FNDC3A: variants seen among roughly 807,000 people sequenced by gnomAD.
The protein encoded by FNDC3A is fibronectin type-III domain-containing protein 3A.
FNDC3A carries 32 observed loss-of-function variants against 148.9 expected under a neutral mutation model. The observed-to-expected ratio is 0.21, with a 90% CI of 0.16 to 0.29. FNDC3A has a LOEUF of 0.29. Among genes scored for constraint, FNDC3A ranks in the 10% least tolerant of loss-of-function variants. The pLI is 1.00. For missense variants in FNDC3A, 1,191 were observed against 1,452.8 expected (o/e 0.82, Z 2.93); for synonymous variants, 472 against 473.6 (o/e 1.00, Z 0.04).
At chr13:49,171,169 T>C (rs1884735032) in intron 10 of FNDC3A, among the ~76,000 whole-genome samples, 2 of 152,154 alleles carry the variant, frequency 1.3e-5, no homozygotes, top group African/African-American at 2.4e-5. Context: ...TAAAAAAAAT[T>C]AATGTAAGAT....
At position 49,045,308 on chromosome 13, in the gene FNDC3A, C is replaced by T. The variant is rs141599106; in HGVS notation, c.100-29981C>T. On this transcript the variant is annotated intron_variant, in intron 2 of 25. Transcript: ENST00000492622. ...AGCTGGGACTACAAGTGCGTGCCACCACGGCCAGCTAATTTTTGTATTTTT... is the reference window on the plus strand; with the variant it reads ...AGCTGGGACTACAAGTGCGTGCCACTACGGCCAGCTAATTTTTGTATTTTT... 180 of 160,852 alleles carry T rather than the reference C, an allele frequency of 1.1e-3. 1 individual carries two copies. The highest frequency in any genetic ancestry group is 4.1e-3 in the African/African-American group (170 of 41,518). 10.0% of individuals were successfully genotyped at this position (160,852 alleles called of 1,614,324 possible).
chr13:49,125,430 C>G (rs1881635271), intron 4 of FNDC3A, among the ~76,000 whole-genome samples: 1 of 152,090 alleles, frequency 6.6e-6, no homozygotes, highest in South Asian at 2.1e-4. Flanking sequence ...TGTTTAAGAG[C>G]TTAAAGTTGT....
intron 10 of FNDC3A, among the ~76,000 whole-genome samples, chr13:49,169,117 A>G (rs1020247459): frequency 6.6e-6 from 1 of 152,246 alleles, no homozygotes; most frequent in Non-Finnish European, 1.5e-5. Flanking sequence ...TCATAAATCA[A>G]TATGCTGCCT....
At chr13:49,108,237 G>T (rs1305328221) in intron 3 of FNDC3A, among the ~76,000 whole-genome samples, 1 of 152,176 alleles carries the variant, frequency 6.6e-6, no homozygotes, top group African/African-American at 2.4e-5. Flanking sequence ...GACAAGAGTT[G>T]GGATAGAGAA....
intron 1 of FNDC3A, among the ~76,000 whole-genome samples, chr13:49,000,685 T>C (rs1357182516): frequency 6.6e-6 from 1 of 152,244 alleles, no homozygotes; most frequent in African/African-American, 2.4e-5. Context: ...TTTAACAATA[T>C]GAAATCTTTC....
chr13:49,073,970 G>T (rs953516593), intron 2 of FNDC3A, among the ~76,000 whole-genome samples: 15 of 151,710 alleles, frequency 9.9e-5, no homozygotes, highest in African/African-American at 3.4e-4. Context: ...ATTTTCATCT[G>T]TCAAGGCAGC....
intron 2 of FNDC3A, among the ~76,000 whole-genome samples, chr13:49,008,436 TAAA>T (rs1244431111): frequency 7.2e-6 from 1 of 139,672 alleles, no homozygotes; most frequent in East Asian, 2.1e-4. Flanking sequence ...AACCACAGAC[TAAA>T]AAACTGTTCC....
chr13:49,004,902 A>G (rs1952193660), intron 1 of FNDC3A, among the ~76,000 whole-genome samples: 1 of 151,964 alleles, frequency 6.6e-6, no homozygotes, highest in South Asian at 2.1e-4. Flanking sequence ...AATTCTTTGT[A>G]TATTCCACAG....
chr13:49,179,521 A>G (rs1044561556), intron 14 of FNDC3A, among the ~76,000 whole-genome samples: 2 of 152,188 alleles, frequency 1.3e-5, no homozygotes, highest in African/African-American at 4.8e-5. Context: ...TGCCTAAATC[A>G]ATTATTACCA....
chr13:49,030,805 A>G (rs1452608374), intron 2 of FNDC3A, among the ~76,000 whole-genome samples: 1 of 152,228 alleles, frequency 6.6e-6, no homozygotes, highest in Admixed American at 6.5e-5. Flanking sequence ...TGAAAGAAAT[A>G]TAAGATGTAT....
chr13:49,173,630 T>C (rs1216570642), intron 11 of FNDC3A, among the ~76,000 whole-genome samples: 1 of 152,160 alleles, frequency 6.6e-6, no homozygotes, highest in Non-Finnish European at 1.5e-5. Flanking sequence ...GGTGTCTGGC[T>C]CGGGGCAAAA....
At chr13:49,090,789 G>T (rs769416170) in intron 3 of FNDC3A, among the ~76,000 whole-genome samples, 4 of 152,086 alleles carry the variant, frequency 2.6e-5, no homozygotes, top group Non-Finnish European at 5.9e-5. Flanking sequence ...ATCGTTTGAG[G>T]CCAGGAGTTC....
In FNDC3A at chr13:49,138,898, T is replaced by G. The variant is rs879332435; in HGVS notation, c.819+93T>G. ...AATGTAGTTTTTTTCTTTTAACTTT[T>G]TATGAAAATAGGATCATACTGTATT... is the stretch of plus-strand genomic sequence containing the variant. On this transcript the variant is annotated intron_variant, in intron 7 of 25. Transcript: ENST00000492622. The G allele has an allele frequency of 6.0e-5, 40 of 666,148 alleles. No individual in the cohort carries two copies. In the Middle Eastern group the frequency reaches 1.7e-3, roughly 28 times the overall value. The allele number at this position is 666,148 out of a possible 1,614,324, so 41.3% of individuals were successfully genotyped here. A position where few individuals can be genotyped will look rare whatever the true frequency, so the allele number is the denominator to read the frequency against.
intron 1 of FNDC3A, among the ~76,000 whole-genome samples, chr13:48,998,906 A>G (rs564783959): frequency 4.6e-5 from 7 of 152,220 alleles, no homozygotes; most frequent in Non-Finnish European, 8.8e-5. Context: ...TAAAGGAAAT[A>G]GAGAACATGG....
chr13:49,098,489 A>G (rs1425114834), intron 3 of FNDC3A, among the ~76,000 whole-genome samples: 3 of 152,140 alleles, frequency 2.0e-5, no homozygotes, highest in Admixed American at 2.0e-4. Flanking sequence ...TAAAAATAGT[A>G]ATGTTCACAA....
At chr13:49,084,001 C>T (rs777733511) in intron 3 of FNDC3A, among the ~76,000 whole-genome samples, 4 of 152,198 alleles carry the variant, frequency 2.6e-5, no homozygotes, top group Non-Finnish European at 5.9e-5. Context: ...TTTAACAAGT[C>T]TATCTGTGCA....
chr13:49,164,711 C>G (rs1884359298), intron 8 of FNDC3A, among the ~76,000 whole-genome samples: 1 of 152,054 alleles, frequency 6.6e-6, no homozygotes, highest in South Asian at 2.1e-4. Flanking sequence ...CAGGTTCAAG[C>G]AGTTCTCCTG....
At chr13:48,987,818 A>G (rs1035659466) in intron 1 of FNDC3A, 3 of 152,372 alleles carry the variant, frequency 2.0e-5, no homozygotes, top group East Asian at 1.9e-4. Flanking sequence ...CTATTGCATT[A>G]TGAAACTATG....
At chr13:49,197,046 T>G in intron 20 of FNDC3A, 56 bp downstream of exon 20, 1 of 1,023,672 alleles carries the variant, frequency 9.8e-7, no homozygotes, top group East Asian at 2.5e-5. Flanking sequence ...GAATAGTTTA[T>G]ATAAAAGAAT....
Sources: gnomAD v4.1 joint callset for allele counts (sites outside exome capture counted in the v4.1 genomes callset) on GRCh38, gnomAD v4.1.1 for gene constraint, MANE v1.5 for transcripts, NCBI Gene and HGNC (gene_info 2026-07-23, HGNC 2026-07-21) for gene names.